Variants in GRID2 observed in about 807,000 individuals in gnomAD.
GRID2 encodes glutamate receptor ionotropic, delta-2.
Under a neutral mutation model 114.8 loss-of-function variants are expected in GRID2, and 33 were observed. The observed-to-expected ratio is 0.29, with a 90% CI of 0.22 to 0.38. The LOEUF is 0.38. GRID2 is among the 10% of genes least tolerant of loss of function. The pLI is 1.00. For synonymous variants in GRID2, 505 were observed against 449.9 expected, an observed-to-expected ratio of 1.12 and a Z score of -1.55; for missense variants, 1,184 against 1,257.7, an observed-to-expected ratio of 0.94 and a Z score of 0.89.
chr4:93,698,040 C>T (rs1727198485), intron 14 of GRID2, among the ~76,000 whole-genome samples: 2 of 151,692 alleles, frequency 1.3e-5, no homozygotes, highest in Non-Finnish European at 2.9e-5. Flanking sequence ...TTGGTAACTG[C>T]ACTTTCAAAA....
chr4:93,746,677 T>G (rs1731865122), intron 14 of GRID2, among the ~76,000 whole-genome samples: 1 of 152,122 alleles, frequency 6.6e-6, no homozygotes, highest in Non-Finnish European at 1.5e-5. Context: ...TTATGTTTGA[T>G]ATGAACATTA....
intron 13 of GRID2, among the ~76,000 whole-genome samples, chr4:93,600,142 A>G (rs1016663855): frequency 7.9e-5 from 12 of 152,246 alleles, no homozygotes; most frequent in Non-Finnish European, 1.8e-4. Context: ...TTAAAATTCC[A>G]GAATGAATCT....
chr4:92,482,366 T>C (rs1399594503), intron 1 of GRID2, among the ~76,000 whole-genome samples: 1 of 151,976 alleles, frequency 6.6e-6, no homozygotes, highest in Non-Finnish European at 1.5e-5. Context: ...GAAAAACTAC[T>C]TATTGGGTAC....
chr4:92,832,067 G>A (rs559981424), intron 2 of GRID2, among the ~76,000 whole-genome samples: 22 of 151,998 alleles, frequency 1.4e-4, no homozygotes, highest in African/African-American at 5.1e-4. Flanking sequence ...TGCTTTATAT[G>A]TAAAGATATA....
intron 13 of GRID2, among the ~76,000 whole-genome samples, chr4:93,614,153 C>T (rs1741320036): frequency 6.6e-6 from 1 of 152,216 alleles, no homozygotes; most frequent in South Asian, 2.1e-4. Flanking sequence ...TGAGGCAATG[C>T]CTCGCCCTGC....
chr4:92,794,734 A>G (rs919246019), intron 2 of GRID2, among the ~76,000 whole-genome samples: 1 of 151,554 alleles, frequency 6.6e-6, no homozygotes, highest in Non-Finnish European at 1.5e-5. Flanking sequence ...CTTGAACAAC[A>G]TAAGGTCTAG....
At chr4:92,377,880 C>T (rs1729429743) in intron 1 of GRID2, among the ~76,000 whole-genome samples, 1 of 152,076 alleles carries the variant, frequency 6.6e-6, no homozygotes, top group Non-Finnish European at 1.5e-5. Context: ...AGGTCCCTTC[C>T]ACAACATGTG....
intron 2 of GRID2, among the ~76,000 whole-genome samples, chr4:92,762,933 A>G: frequency 6.6e-6 from 1 of 151,846 alleles, no homozygotes; most frequent in East Asian, 1.9e-4. Flanking sequence ...TTCTTCAGAC[A>G]CAGTTTCTTC....
chr4:93,057,576 A>G (rs769316053), intron 2 of GRID2, among the ~76,000 whole-genome samples: 3 of 151,862 alleles, frequency 2.0e-5, no homozygotes, highest in Non-Finnish European at 2.9e-5. Context: ...ATCTCTACGT[A>G]TGCGTTATTG....
chr4:92,879,451 C>T (rs1434601642), intron 2 of GRID2, among the ~76,000 whole-genome samples: 1 of 152,206 alleles, frequency 6.6e-6, no homozygotes, highest in Non-Finnish European at 1.5e-5. Context: ...GCTAAGCAGT[C>T]TTCTCAATGT....
chr4:93,525,301 G>T (rs1730774274), intron 13 of GRID2, among the ~76,000 whole-genome samples: 1 of 152,092 alleles, frequency 6.6e-6, no homozygotes, highest in Non-Finnish European at 1.5e-5. Flanking sequence ...GGATAGGGAG[G>T]AGAGGGCCTG....
chr4:93,514,115 T>C (rs757846135), intron 12 of GRID2, among the ~76,000 whole-genome samples: 3 of 152,142 alleles, frequency 2.0e-5, no homozygotes, highest in Non-Finnish European at 4.4e-5. Context: ...TTTAACAGTA[T>C]GTCAAAGGCA....
At chr4:92,657,562 TA>T (rs1732305899) in intron 2 of GRID2, among the ~76,000 whole-genome samples, 1 of 151,738 alleles carries the variant, frequency 6.6e-6, no homozygotes, top group South Asian at 2.1e-4. Context: ...TTTTTATTTT[TA>T]AAAGTAAAAC....
At chr4:93,558,630 A>G (rs951158618) in intron 13 of GRID2, among the ~76,000 whole-genome samples, 1 of 152,094 alleles carries the variant, frequency 6.6e-6, no homozygotes, top group South Asian at 2.1e-4. Context: ...AACCAGAAAG[A>G]CTCATAGCCG....
At chr4:92,338,400 CT>C (rs1727297373) in intron 1 of GRID2, among the ~76,000 whole-genome samples, 3 of 152,130 alleles carry the variant, frequency 2.0e-5, no homozygotes, top group South Asian at 2.1e-4. Context: ...TTTTGGGTTA[CT>C]TTTAAAGGTC....
rs554054331 is a variant in GRID2 at position 92,650,835 on chromosome 4, A to G, written c.244+60549A>G. 2.0e-5 allele frequency among the ~76,000 whole-genome samples: 3 copies of G among 152,074 alleles called. No individual in the cohort carries two copies. The East Asian group carries it at 5.8e-4, about 30-fold the overall frequency. On this transcript the variant is annotated intron_variant, in intron 2 of 15. Transcript: ENST00000282020. ...CTGGCTATCAGAGAAACAGAACCAC[A>G]TATAGTGGATGCTGATTCAGAGCCT...
At chr4:92,899,646 A>G (rs1355388725) in intron 2 of GRID2, among the ~76,000 whole-genome samples, 1 of 152,210 alleles carries the variant, frequency 6.6e-6, no homozygotes, top group Non-Finnish European at 1.5e-5. Context: ...TATGATCTTC[A>G]GATCTTCAGA....
intron 2 of GRID2, among the ~76,000 whole-genome samples, chr4:92,763,623 G>GCA (rs1389384349): frequency 6.6e-6 from 1 of 152,198 alleles, no homozygotes; most frequent in East Asian, 1.9e-4. Context: ...AGTGACTTGA[G>GCA]CACTGCTGGA....
chr4:93,358,966 G>A (rs950054684), intron 8 of GRID2, among the ~76,000 whole-genome samples: 1 of 151,982 alleles, frequency 6.6e-6, no homozygotes, highest in African/African-American at 2.4e-5. Context: ...CACTCAATTA[G>A]CAGTTTAAGT....
Sources: allele counts gnomAD v4.1 joint callset (sites outside exome capture counted in the v4.1 genomes callset), GRCh38; gene constraint gnomAD v4.1.1; transcripts MANE v1.5; gene names NCBI Gene and HGNC (gene_info 2026-07-23, HGNC 2026-07-21).